Variants in ELMOD1 observed in about 807,000 individuals in gnomAD.
ELMOD1 encodes ELMO domain-containing protein 1.
In ELMOD1, 21 loss-of-function variants were observed where a neutral mutation model predicts 46.7. The observed-to-expected ratio is 0.45, with a 90% CI of 0.32 to 0.65. The LOEUF (loss-of-function observed/expected upper bound fraction) is 0.65, where lower values mean the gene tolerates loss of function less well. Ranked by LOEUF, ELMOD1 falls within the 30% of genes least tolerant of loss-of-function variation. The pLI is 0.04. For missense variants in ELMOD1, 348 were observed against 407.8 expected, an observed-to-expected ratio of 0.85 and a Z score of 1.26; for synonymous variants, 122 against 138.2, an observed-to-expected ratio of 0.88 and a Z score of 0.82.
rs746382771 is a variant in ELMOD1 at position 107,650,372 on chromosome 11, G to A, written c.592G>A (p.Val198Ile). ...AAGGGATGCCACAGCAGCTCAGCAGGTCCTGTCTGACTCTCTTCATCCGAA... is the reference window on the plus strand; with the variant it reads ...AAGGGATGCCACAGCAGCTCAGCAGATCCTGTCTGACTCTCTTCATCCGAA... ...AERDATAAQQ[V>I]LSDSLHPKCR... Residue 198 changes from valine to isoleucine, a missense_variant, in exon 8 of 12, where the codon GTC (valine) becomes ATC (isoleucine). Coordinates refer to ENST00000265840, the MANE Select transcript of ELMOD1 (RefSeq NM_018712.4). 1.3e-6 allele frequency: 2 copies of A among 1,593,284 alleles called. No individual in the cohort carries two copies. The highest frequency in any genetic ancestry group is 3.5e-5 in the Admixed American group (2 of 57,272).
chr11:107,654,752 A>G lies in ELMOD1; in HGVS notation c.698+530A>G, dbSNP rs770216295. ...CCACTGCACTCCAGCCTGGGCGACA[A>G]AGCGAGACTCCGTCTCAAAAAAAAA... On this transcript the variant is annotated intron_variant, in intron 10 of 11. Transcript: ENST00000265840. Among the ~76,000 whole-genome samples the G allele has an allele frequency of 1.4e-3, 216 of 149,642 alleles. 2 individuals carry two copies. Among genetic ancestry groups the G allele is most frequent in the Non-Finnish European group, 2.6e-3 (174 of 67,370 alleles).
At chr11:107,599,765 GA>G (rs67957721) in intron 1 of ELMOD1, among the ~76,000 whole-genome samples, 4,046 of 78,944 alleles carry the variant, frequency 0.051, 76 homozygotes, top group Middle Eastern at 0.12. Context: ...AAAAAGAAAA[GA>G]AAAAAAAAAA....
At chr11:107,650,848 A>G (rs1321148038) in intron 8 of ELMOD1, 37 bp from the exon 9 acceptor site, 6 of 1,080,938 alleles carry the variant, frequency 5.6e-6, no homozygotes, top group Non-Finnish European at 7.6e-6. Flanking sequence ...TTGCATTTTC[A>G]TTTACTTTTC....
intron 6 of ELMOD1, among the ~76,000 whole-genome samples, chr11:107,641,557 G>C (rs1258347105): frequency 6.6e-6 from 1 of 152,130 alleles, no homozygotes; most frequent in Non-Finnish European, 1.5e-5. Flanking sequence ...TAAACTAGTT[G>C]GAGAAGAGAG....
intron 6 of ELMOD1, among the ~76,000 whole-genome samples, chr11:107,640,510 T>C (rs1866303214): frequency 6.6e-6 from 1 of 152,162 alleles, no homozygotes; most frequent in African/African-American, 2.4e-5. Flanking sequence ...TATTTATACA[T>C]ACCCTCGGTA....
intron 7 of ELMOD1, among the ~76,000 whole-genome samples, chr11:107,648,658 T>G (rs1445630260): frequency 6.6e-6 from 1 of 152,220 alleles, no homozygotes; most frequent in East Asian, 1.9e-4. Context: ...TAGAGTACAG[T>G]TATTTGGTTT....
At chr11:107,642,166 A>T (rs1411102609) in intron 6 of ELMOD1, among the ~76,000 whole-genome samples, 1 of 149,744 alleles carries the variant, frequency 6.7e-6, no homozygotes, top group Non-Finnish European at 1.5e-5. Context: ...CTGATCTTGA[A>T]CTCCTGACCT....
At chr11:107,630,676 CTG>C in intron 3 of ELMOD1, 22 bp from the exon 4 acceptor site, 6 of 1,607,522 alleles carry the variant, frequency 3.7e-6, no homozygotes, top group South Asian at 1.1e-5. Context: ...CTTTGAATGA[CTG>C]TTTTTGTTGC....
chr11:107,630,618 G>A (rs866554305), intron 3 of ELMOD1, 56 bp downstream of exon 3: 83 of 1,601,810 alleles, frequency 5.2e-5, no homozygotes, highest in Non-Finnish European at 6.0e-5. Context: ...TGGAAGATAC[G>A]ATGTTGTCTT....
intron 11 of ELMOD1, among the ~76,000 whole-genome samples, chr11:107,664,398 T>A (rs751059553): frequency 5.9e-5 from 9 of 152,186 alleles, no homozygotes; most frequent in Non-Finnish European, 1.2e-4. Flanking sequence ...TTCCCCAAAT[T>A]GTTTCAATCC....
At chr11:107,644,141 C>T (rs572074799) in intron 6 of ELMOD1, among the ~76,000 whole-genome samples, 6 of 151,646 alleles carry the variant, frequency 4.0e-5, no homozygotes, top group Admixed American at 3.9e-4. Flanking sequence ...ATAAAAAATA[C>T]GAAAATGAGC....
Position 107,621,668 on chromosome 11 carries a change from C to T in ELMOD1, c.17+3462C>T, listed in dbSNP as rs529042502. Among the ~76,000 whole-genome samples, 325 of 152,346 alleles carry T rather than the reference C, an allele frequency of 2.1e-3. 2 individuals carry two copies. The highest frequency in any genetic ancestry group is 7.4e-3 in the African/African-American group (308 of 41,562). ...GGCCTCTTTGACTTCCAAGCTGTTT[C>T]TCATGTTTGTGTCACATTACCCCAT... On this transcript the variant is annotated intron_variant, in intron 2 of 11. Coordinates refer to ENST00000265840, the MANE Select transcript of ELMOD1 (RefSeq NM_018712.4).
chr11:107,656,387 CA>C (rs1040397291), intron 11 of ELMOD1, among the ~76,000 whole-genome samples: 2 of 143,662 alleles, frequency 1.4e-5, no homozygotes, highest in Admixed American at 7.0e-5. Flanking sequence ...GACTCCATCT[CA>C]AAAAAAATGA....
intron 9 of ELMOD1, 142 bp downstream of exon 9, chr11:107,651,050 T>G (rs1035009762): frequency 2.5e-4 from 117 of 464,964 alleles, no homozygotes; most frequent in African/African-American, 2.1e-3. Flanking sequence ...TAGTTAATTA[T>G]AGCTGGGCTA....
intron 1 of ELMOD1, chr11:107,592,268 T>G (rs1218914943): frequency 9.8e-6 from 5 of 508,936 alleles, no homozygotes; most frequent in African/African-American, 9.7e-5. Flanking sequence ...GCCTTTCTGC[T>G]CTGCACAGTG....
chr11:107,654,097 C>A, intron 9 of ELMOD1, 75 bp from the exon 10 acceptor site: 1 of 1,230,766 alleles, frequency 8.1e-7, no homozygotes. Flanking sequence ...ACAGTTTTAA[C>A]ATAAGCATTA....
At chr11:107,598,609 G>A (rs1413545993) in intron 1 of ELMOD1, among the ~76,000 whole-genome samples, 1 of 152,210 alleles carries the variant, frequency 6.6e-6, no homozygotes, top group Admixed American at 6.5e-5. Context: ...AGTGCCAGAT[G>A]GTTCCTTTCC....
At chr11:107,630,375 C>T (rs1866114084) in intron 2 of ELMOD1, 42 bp from the exon 3 acceptor site, 3 of 1,531,582 alleles carry the variant, frequency 2.0e-6, no homozygotes, top group African/African-American at 2.8e-5. Context: ...CTCTTCTCTT[C>T]CAGAGTTCTA....
intron 6 of ELMOD1, among the ~76,000 whole-genome samples, chr11:107,636,080 G>A (rs1354005211): frequency 6.6e-6 from 1 of 152,188 alleles, no homozygotes; most frequent in Admixed American, 6.5e-5. Context: ...AAAGCCAACA[G>A]GAGAAATAGC....
Sources: allele counts gnomAD v4.1 joint callset (sites outside exome capture counted in the v4.1 genomes callset), GRCh38; gene constraint gnomAD v4.1.1; transcripts MANE v1.5; gene names NCBI Gene and HGNC (gene_info 2026-07-23, HGNC 2026-07-21).